EPB41: variants seen among roughly 807,000 people sequenced by gnomAD.
EPB41 encodes protein 4.1.
In EPB41, 65 loss-of-function variants were observed where a neutral mutation model predicts 108.0. The ratio of observed to expected loss-of-function variants is 0.60; its 90% confidence interval spans 0.49 to 0.74. EPB41 has a LOEUF of 0.74. EPB41 is among the 30% of genes least tolerant of loss of function. The probability of loss-of-function intolerance (pLI) is 0.00; values close to 1 mark genes in which losing one functional copy is unlikely to be tolerated. For missense variants in EPB41, 875 were observed against 1,037.0 expected (o/e 0.84, Z 2.15); for synonymous variants, 336 against 358.9 (o/e 0.94, Z 0.72).
intron 5 of EPB41, among the ~76,000 whole-genome samples, chr1:29,014,196 A>G (rs546775366): frequency 1.3e-5 from 2 of 152,144 alleles, no homozygotes; most frequent in East Asian, 3.9e-4. Context: ...AGGCACCTGT[A>G]ATCCCAGCTA....
At chr1:29,058,056 A>G (rs1322574142) in intron 12 of EPB41, among the ~76,000 whole-genome samples, 1 of 152,226 alleles carries the variant, frequency 6.6e-6, no homozygotes, top group Non-Finnish European at 1.5e-5. Context: ...ATATTGTTCA[A>G]CTAACAAAAT....
At chr1:28,957,337 A>G (rs554975622) in intron 1 of EPB41, among the ~76,000 whole-genome samples, 70 of 152,376 alleles carry the variant, frequency 4.6e-4, no homozygotes, top group Admixed American at 9.1e-4. Context: ...CCTCCACTAT[A>G]TGTAGAGACT....
intron 16 of EPB41, among the ~76,000 whole-genome samples, chr1:29,075,845 T>G (rs936945866): frequency 2.6e-5 from 4 of 152,230 alleles, no homozygotes; most frequent in African/African-American, 2.4e-5. Flanking sequence ...TATCAGAATT[T>G]TAGGGATTGG....
intron 1 of EPB41, 99 bp from the exon 2 acceptor site, chr1:28,987,328 CAATT>C: frequency 6.4e-6 from 6 of 941,294 alleles, no homozygotes; most frequent in Non-Finnish European, 1.0e-5. Context: ...TGTTTGTTGG[CAATT>C]AAATACCTAA....
intron 18 of EPB41, among the ~76,000 whole-genome samples, chr1:29,110,353 G>GT (rs1348136567): frequency 6.6e-6 from 1 of 151,992 alleles, no homozygotes; most frequent in Non-Finnish European, 1.5e-5. Flanking sequence ...ACCTATCTCT[G>GT]TAAAAACAAA....
chr1:29,043,642 G>C (rs1206899149), intron 11 of EPB41, among the ~76,000 whole-genome samples: 2 of 152,356 alleles, frequency 1.3e-5, no homozygotes. Context: ...CGGAGAAGTA[G>C]GTGGGAGCCA....
intron 1 of EPB41, among the ~76,000 whole-genome samples, chr1:28,977,351 A>G (rs1227471379): frequency 6.6e-6 from 1 of 151,978 alleles, no homozygotes; most frequent in Non-Finnish European, 1.5e-5. Context: ...AAAAAAAATG[A>G]AAGATAACCA....
At chr1:29,060,547 T>C in intron 15 of EPB41, 63 bp downstream of exon 15, 1 of 1,422,640 alleles carries the variant, frequency 7.0e-7, no homozygotes, top group South Asian at 1.2e-5. Context: ...TCTTTGCTGA[T>C]CCCCTTTTCT....
chr1:29,064,316 T>C (rs907877940), intron 15 of EPB41, among the ~76,000 whole-genome samples: 4 of 152,342 alleles, frequency 2.6e-5, no homozygotes, highest in African/African-American at 9.6e-5. Flanking sequence ...TTTTATTATG[T>C]ACCTCTGAGT....
intron 15 of EPB41, among the ~76,000 whole-genome samples, chr1:29,063,937 C>T (rs1446104875): frequency 6.6e-6 from 1 of 152,070 alleles, no homozygotes. Context: ...TTACATAAAC[C>T]TGAATATTAT....
At chr1:28,900,961 A>G (rs58819283) in intron 1 of EPB41, among the ~76,000 whole-genome samples, 15,283 of 151,616 alleles carry the variant, frequency 0.1, 2,069 homozygotes, top group African/African-American at 0.31. Context: ...ACGGAATCTC[A>G]CTCTGTTACC....
intron 1 of EPB41, among the ~76,000 whole-genome samples, chr1:28,974,807 T>G (rs1359736206): frequency 6.6e-6 from 1 of 151,952 alleles, no homozygotes; most frequent in Non-Finnish European, 1.5e-5. Flanking sequence ...TTTGTTTTTT[T>G]TTTTTGAGAT....
At chr1:29,058,694 T>A (rs1404108119) in intron 13 of EPB41, 49 bp downstream of exon 13, 9 of 1,588,500 alleles carry the variant, frequency 5.7e-6, no homozygotes, top group Non-Finnish European at 7.7e-6. Flanking sequence ...CCCCCTCAGT[T>A]TTTTTCTTCT....
chr1:28,963,870 C>G (rs998589856), intron 1 of EPB41, among the ~76,000 whole-genome samples: 1 of 152,286 alleles, frequency 6.6e-6, no homozygotes, highest in Admixed American at 6.5e-5. Context: ...ATAGACGCGT[C>G]AACTTTTCTA....
intron 16 of EPB41, among the ~76,000 whole-genome samples, chr1:29,080,582 T>G (rs939362958): frequency 6.6e-6 from 1 of 151,716 alleles, no homozygotes; most frequent in Admixed American, 6.6e-5. Context: ...AAAGACAGGG[T>G]TTTACCATGT....
At position 28,887,819 on chromosome 1, in the gene EPB41, T is replaced by G; in HGVS notation, c.-8+609T>G. On this transcript the variant is annotated intron_variant, in intron 1 of 16. Transcript: ENST00000347529. The surrounding 1 kb of genome is among the most constrained non-coding windows in gnomAD (Gnocchi z 4.9). ...CCCACACCCTCCCTGCCAGGCTTGG[T>G]CTAGGGGACTTCCCTCTGTCTGGGT... 3.1e-6 allele frequency: 1 copy of G among 322,632 alleles called. No individual in the cohort carries two copies. The highest frequency in any genetic ancestry group is 4.5e-6 in the Non-Finnish European group (1 of 224,026). 20.0% of individuals were successfully genotyped at this position (322,632 alleles called of 1,614,324 possible). A position where few individuals can be genotyped will look rare whatever the true frequency, so the allele number is the denominator to read the frequency against.
chr1:28,991,520 A>G (rs2096017225), intron 2 of EPB41, among the ~76,000 whole-genome samples: 1 of 151,862 alleles, frequency 6.6e-6, no homozygotes, highest in Admixed American at 6.6e-5. Flanking sequence ...CCTGGGCAAC[A>G]TGGAGAAACA....
At chr1:29,101,760 G>A (rs1665489883) in intron 17 of EPB41, among the ~76,000 whole-genome samples, 1 of 152,198 alleles carries the variant, frequency 6.6e-6, no homozygotes, top group African/African-American at 2.4e-5. Context: ...CAATGAGCCA[G>A]GCGTGGTGGA....
chr1:28,889,484 G>A lies in EPB41; in HGVS notation c.-8+2274G>A, dbSNP rs116098249. ...GCCAACAGAAGCTCCCACCCAGGCC[G>A]CCTTACTCCCCAGACGAGTGCGGGT... On this transcript the variant is annotated intron_variant, in intron 1 of 16. Transcript: ENST00000347529. Among the ~76,000 whole-genome samples, 352 of 152,348 alleles carry A rather than the reference G, an allele frequency of 2.3e-3. 2 individuals carry two copies. The highest frequency in any genetic ancestry group is 7.5e-3 in the African/African-American group (313 of 41,588).
Sources: gnomAD v4.1 joint callset for allele counts (sites outside exome capture counted in the v4.1 genomes callset) on GRCh38, gnomAD v4.1.1 for gene constraint, Gnocchi (gnomAD v3.1) non-coding constraint, MANE v1.5 for transcripts, NCBI Gene and HGNC (gene_info 2026-07-23, HGNC 2026-07-21) for gene names.